Variants in LTN1 observed in about 807,000 individuals in gnomAD.
The protein encoded by LTN1 is E3 ubiquitin-protein ligase listerin.
Under a neutral mutation model 201.2 loss-of-function variants are expected in LTN1, and 88 were observed. That is an observed-to-expected ratio of 0.44 (90% confidence interval 0.37 to 0.52). The LOEUF (loss-of-function observed/expected upper bound fraction) is 0.52. Among genes scored for constraint, LTN1 ranks in the 20% least tolerant of loss-of-function variants. The pLI is 0.00. For missense variants in LTN1, 1,752 were observed against 2,038.7 expected (o/e 0.86, Z 2.71); for synonymous variants, 645 against 713.5 (o/e 0.90, Z 1.53).
Position 28,956,864 on chromosome 21 carries a change from T to C in LTN1, c.2977A>G (p.Thr993Ala), listed in dbSNP as rs2146285778. 1 of 1,611,936 alleles carries C rather than the reference T, an allele frequency of 6.2e-7. No individual in the cohort carries two copies. Among genetic ancestry groups the C allele is most frequent in the Non-Finnish European group, 8.5e-7 (1 of 1,178,464 alleles). ...KTDFKEQDIK[T>A]LPSHLCTSAL... ...GAAGTACACAAATGGCTGGGAAGTG[T>C]CTTTATGTCCTGTTCCTTAAAATCT... The change falls in exon 16 of 30, where the codon ACA becomes GCA. Residue 993 changes from threonine to alanine, a missense_variant. Thr to Ala is a moderately conservative substitution (Grantham distance 58). This residue lies in a region of LTN1 where 1,211 missense variants were observed against 1,312.8 expected (regional missense o/e 0.92). Transcript: ENST00000361371.
rs1244085867 is a variant in LTN1, at chr21:28,929,879, T to C, written c.*569A>G. 3 of 152,142 alleles carry C rather than the reference T, an allele frequency of 2.0e-5. No homozygotes were observed. Among genetic ancestry groups the C allele is most frequent in the Admixed American group, 6.5e-5 (1 of 15,274 alleles). 9.4% of individuals were successfully genotyped at this position (152,142 alleles called of 1,614,324 possible). A position where few individuals can be genotyped will look rare whatever the true frequency, so the allele number is the denominator to read the frequency against. ...CCTTAAAGTTCAGTTTAAACTCTTT[T>C]ATATAGGATTTCAGAGCATGCCTCC... On this transcript the variant is annotated 3_prime_UTR_variant, in exon 30 of 30. Coordinates refer to ENST00000361371, the MANE Select transcript of LTN1 (RefSeq NM_015565.3).
rs1376080929 is a variant in LTN1 at position 28,928,392 on chromosome 21, G to C, written c.*2056C>G. On this transcript the variant is annotated 3_prime_UTR_variant, in exon 30 of 30. Coordinates refer to ENST00000361371, the MANE Select transcript of LTN1 (RefSeq NM_015565.3). ...CACAGACACTTATGTACATACATTG[G>C]AGCATGTGATAAAAGAGTCAAAAAT... is the stretch of plus-strand genomic sequence containing the variant. The C allele has an allele frequency of 6.6e-6, 1 of 152,244 alleles. No individual in the cohort carries two copies. The highest frequency in any genetic ancestry group is 1.5e-5 in the Non-Finnish European group (1 of 67,974). The allele number at this position is 152,244 out of a possible 1,614,324, so 9.4% of individuals were successfully genotyped here.
At position 28,957,443 on chromosome 21, in the gene LTN1, C is replaced by T. The variant is rs1212187255; in HGVS notation, c.2781G>A (p.Leu927=). 2 of 1,586,704 alleles carry T rather than the reference C, an allele frequency of 1.3e-6. No individual in the cohort carries two copies. The highest frequency in any genetic ancestry group is 1.7e-6 in the Non-Finnish European group (2 of 1,170,330). ...LQVLLSAVDD[L]LNTLLESEDS... ...CTTCACTCTCTAGAAGTGTATTTAG[C>T]AAATCATCAACAGCAGACAAGAGGA... The change falls in exon 15 of 30, where the codon TTG becomes TTA. Residue 927 remains leucine (L), a synonymous_variant. Coordinates refer to ENST00000361371, the MANE Select transcript of LTN1 (RefSeq NM_015565.3).
intron 1 of LTN1, among the ~76,000 whole-genome samples, chr21:28,989,816 A>G (rs1601008776): frequency 6.6e-6 from 1 of 152,200 alleles, no homozygotes; most frequent in African/African-American, 2.4e-5. Context: ...AGAGTTTGAG[A>G]CCAGCCTAGC....
intron 3 of LTN1, 125 bp from the exon 4 acceptor site, chr21:28,985,047 A>T (rs2084686892): frequency 3.5e-6 from 2 of 577,036 alleles, no homozygotes; most frequent in Non-Finnish European, 6.0e-6. Context: ...AACTGAAATC[A>T]TTTTTTTTAA....
intron 20 of LTN1, 30 bp from the exon 21 acceptor site, chr21:28,945,981 A>G: frequency 1.3e-6 from 2 of 1,573,722 alleles, no homozygotes; most frequent in Non-Finnish European, 1.7e-6. Flanking sequence ...AAAAGACAAT[A>G]AAAGATTATA....
At chr21:28,956,987 C>T in intron 15 of LTN1, 39 bp from the exon 16 acceptor site, 3 of 1,264,770 alleles carry the variant, frequency 2.4e-6, no homozygotes, top group Non-Finnish European at 3.3e-6. Context: ...TTATTTATTA[C>T]CTAAGCAATT....
At chr21:28,942,701 T>A (rs183837432) in intron 24 of LTN1, among the ~76,000 whole-genome samples, 2 of 152,264 alleles carry the variant, frequency 1.3e-5, no homozygotes, top group African/African-American at 4.8e-5. Flanking sequence ...CTACCTAACC[T>A]TAAAGGTCCA....
intron 10 of LTN1, 115 bp downstream of exon 10, chr21:28,966,255 T>C (rs879215680): frequency 1.2e-6 from 1 of 857,626 alleles, no homozygotes; most frequent in Non-Finnish European, 1.8e-6. Context: ...ATCAAGAATA[T>C]ATTGCTTGTC....
intron 18 of LTN1, among the ~76,000 whole-genome samples, chr21:28,948,461 T>C (rs1200411760): frequency 6.6e-6 from 1 of 151,068 alleles, no homozygotes; most frequent in African/African-American, 2.4e-5. Flanking sequence ...TTAGTGGAGA[T>C]GGGGTTTTAC....
chr21:28,963,063 A>G (rs932006403), intron 11 of LTN1, among the ~76,000 whole-genome samples: 1 of 152,246 alleles, frequency 6.6e-6, no homozygotes, highest in African/African-American at 2.4e-5. Context: ...GTTTAAAAGA[A>G]GAAACCATCT....
At chr21:28,935,044 T>C (rs1601161709) in intron 27 of LTN1, 65 bp downstream of exon 27, 2 of 1,023,678 alleles carry the variant, frequency 2.0e-6, no homozygotes, top group East Asian at 2.4e-5. Flanking sequence ...TGTTATGATA[T>C]TAACAATGAC....
chr21:28,977,429 T>C (rs1272930631), intron 6 of LTN1, among the ~76,000 whole-genome samples: 1 of 149,940 alleles, frequency 6.7e-6, no homozygotes, highest in African/African-American at 2.5e-5. Flanking sequence ...TGAGCAGGTA[T>C]TAGGACATAT....
At position 28,966,561 on chromosome 21, in the gene LTN1, C is replaced by T. The variant is rs1446665243; in HGVS notation, c.1930G>A (p.Ala644Thr). The change falls in exon 10 of 30, where the codon GCC becomes ACC. Residue 644 changes from alanine (A) to threonine (T), a missense_variant. Ala to Thr is a moderately conservative substitution (Grantham distance 58). Transcript: ENST00000361371. ...AGCTTGGCTATTTCAAGAGGTTTGG[C>T]TTGGACAATACTCTGTTTTTCATCA... ...LGDEKQSIVQ[A>T]KPLEIAKLVQ... 6.2e-7 allele frequency: 1 copy of T among 1,614,086 alleles called. No individual in the cohort carries two copies. The highest frequency in any genetic ancestry group is 8.5e-7 in the Non-Finnish European group (1 of 1,180,014).
intron 23 of LTN1, 54 bp from the exon 24 acceptor site, chr21:28,943,390 C>A: frequency 1.8e-6 from 2 of 1,115,920 alleles, no homozygotes; most frequent in Admixed American, 2.1e-5. Flanking sequence ...TTTATTAAGT[C>A]GTGCTCAAGA....
At chr21:28,984,599 C>T (rs1283557735) in intron 4 of LTN1, 93 bp downstream of exon 4, 1 of 826,020 alleles carries the variant, frequency 1.2e-6, no homozygotes, top group Admixed American at 2.7e-5. Flanking sequence ...TTACTCATTC[C>T]CCTACAATCC....
Position 28,966,976 on chromosome 21 carries a change from T to C in LTN1, c.1515A>G (p.Pro505=), listed in dbSNP as rs928251610. ...SEICVAKISE[P]EADVESVLGV... ...CCAAAACGGACTCAACATCAGCTTC[T>C]GGCTCACTGATTTTCGCAACACAGA... The change falls in exon 10 of 30, where the codon CCA becomes CCG. Residue 505 remains proline (P), a synonymous_variant. Transcript: ENST00000361371. 18 of 1,614,026 alleles carry C rather than the reference T, an allele frequency of 1.1e-5. No homozygotes were observed. Among genetic ancestry groups the C allele is most frequent in the Non-Finnish European group, 1.5e-5 (18 of 1,180,014 alleles).
chr21:28,946,082 G>T, intron 20 of LTN1, 70 bp downstream of exon 20: 1 of 1,468,566 alleles, frequency 6.8e-7, no homozygotes, highest in South Asian at 1.3e-5. Flanking sequence ...CTACAAAATT[G>T]TGACACAGAT....
chr21:28,945,931 G>A lies in LTN1; in HGVS notation c.3644C>T (p.Pro1215Leu). 1.2e-6 allele frequency: 2 copies of A among 1,610,194 alleles called. No homozygotes were observed. The highest frequency in any genetic ancestry group is 1.7e-5 in the Admixed American group (1 of 59,134). Residue 1215 changes from proline to leucine, a missense_variant, in exon 21 of 30, where the codon CCA becomes CTA. Coordinates refer to ENST00000361371, the MANE Select transcript of LTN1 (RefSeq NM_015565.3). ...TTCTATATTTACACCCAGTACCTCT[G>A]GACTTGCTTCTGATAGATTACTGTG... is the stretch of plus-strand genomic sequence containing the variant. ...LFSCNLSEAS[P>L]EVLGVNIEII...
Sources: gnomAD v4.1 joint callset for allele counts (sites outside exome capture counted in the v4.1 genomes callset) on GRCh38, gnomAD v4.1.1 for gene constraint, gnomAD v4.1.1 regional missense constraint, MANE v1.5 for transcripts, NCBI Gene and HGNC (gene_info 2026-07-23, HGNC 2026-07-21) for gene names.